The following HSD17B4 variants were observed in gnomAD, a reference collection of about 807,000 sequenced individuals.
HSD17B4 encodes the protein hydroxysteroid 17-beta dehydrogenase 4, also known as peroxisomal multifunctional enzyme type 2.
A neutral mutation model predicts 101.0 loss-of-function variants in HSD17B4; 70 were observed. The observed-to-expected ratio is 0.69, with a 90% CI of 0.57 to 0.85. The LOEUF (loss-of-function observed/expected upper bound fraction) is 0.85, where lower values mean the gene tolerates loss of function less well. HSD17B4 is among the 40% of genes least tolerant of loss of function. HSD17B4 has a pLI of 0.00. For synonymous variants in HSD17B4, 347 were observed against 297.1 expected (o/e 1.17, Z -1.73); for missense variants, 984 against 892.4 (o/e 1.10, Z -1.31).
Position 119,475,736 on chromosome 5 carries a change from T to C in HSD17B4, c.302+9T>C. ...GTGGTCAACAATGCTGGGTGAGTATTTCTTTTTCATTTTTAGTGATGTGTG... is the reference window on the plus strand; with the variant it reads ...GTGGTCAACAATGCTGGGTGAGTATCTCTTTTTCATTTTTAGTGATGTGTG... On this transcript the variant is annotated intron_variant, in intron 5 of 23. Coordinates refer to ENST00000510025, the MANE Select transcript of HSD17B4 (RefSeq NM_000414.4). 1 of 1,596,098 alleles carries C rather than the reference T, an allele frequency of 6.3e-7. No homozygotes were observed. The highest frequency in any genetic ancestry group is 8.6e-7 in the Non-Finnish European group (1 of 1,164,840).
At chr5:119,496,146 A>G (rs1420495531) in intron 11 of HSD17B4, among the ~76,000 whole-genome samples, 1 of 152,162 alleles carries the variant, frequency 6.6e-6, no homozygotes, top group Non-Finnish European at 1.5e-5. Flanking sequence ...GCATTCTTTC[A>G]TCCTGGGAAG....
chr5:119,457,829 C>G (rs1754825546), intron 2 of HSD17B4, among the ~76,000 whole-genome samples: 1 of 152,094 alleles, frequency 6.6e-6, no homozygotes, highest in Non-Finnish European at 1.5e-5. Flanking sequence ...GTACTTTGTT[C>G]ATTGGTTCTT....
chr5:119,496,792 A>T (rs1041655121), intron 12 of HSD17B4, 146 bp downstream of exon 12: 48 of 740,780 alleles, frequency 6.5e-5, no homozygotes, highest in Middle Eastern at 4.8e-4. Flanking sequence ...GGAGAGAAGC[A>T]GTGGCAGAGA....
chr5:119,536,510 A>G lies in HSD17B4; in HGVS notation c.2081A>G (p.Asp694Gly), dbSNP rs1561494635. The change falls in exon 23 of 24, where the codon GAT (aspartate) becomes GGT (glycine). Residue 694 changes from aspartate to glycine, a missense_variant. By Grantham distance (94) the Asp-to-Gly change is moderately conservative. Transcript: ENST00000510025. ...ADTTIILSDE[D>G]FMEVVLGKLD... ...ACAACAATCATACTTTCAGATGAAGATTTCATGGAGGTGGTCCTGGGCAAG... is the reference window on the plus strand; with the variant it reads ...ACAACAATCATACTTTCAGATGAAGGTTTCATGGAGGTGGTCCTGGGCAAG... 9 of 1,612,058 alleles carry G rather than the reference A, an allele frequency of 5.6e-6. No individual in the cohort carries two copies. Among genetic ancestry groups the G allele is most frequent in the Middle Eastern group, 1.6e-4 (1 of 6,078 alleles).
chr5:119,536,284 T>C, intron 22 of HSD17B4, 139 bp from the exon 23 acceptor site: 1 of 773,660 alleles, frequency 1.3e-6, no homozygotes. Flanking sequence ...TAATGTATAA[T>C]TGATAGATAG....
intron 8 of HSD17B4, among the ~76,000 whole-genome samples, chr5:119,486,224 G>A (rs1561451750): frequency 6.6e-6 from 1 of 152,120 alleles, no homozygotes; most frequent in Non-Finnish European, 1.5e-5. Flanking sequence ...CAGAAGAGAT[G>A]TACCATCACG....
intron 23 of HSD17B4, among the ~76,000 whole-genome samples, chr5:119,541,045 T>C (rs1754947299): frequency 6.6e-6 from 1 of 152,234 alleles, no homozygotes. Context: ...GCTTTTTCAC[T>C]TCATATTTTA....
chr5:119,494,613 C>G (rs1236245550), intron 11 of HSD17B4, among the ~76,000 whole-genome samples: 1 of 152,054 alleles, frequency 6.6e-6, no homozygotes, highest in African/African-American at 2.4e-5. Flanking sequence ...GTATATTGAT[C>G]TTTCTGTTAG....
Position 119,531,288 on chromosome 5 carries a change from T to A in HSD17B4, c.1877T>A (p.Phe626Tyr), listed in dbSNP as rs769469403. 1 of 1,613,724 alleles carries A rather than the reference T, an allele frequency of 6.2e-7. No individual in the cohort carries two copies. The highest frequency in any genetic ancestry group is 1.1e-5 in the South Asian group (1 of 91,080). ...TAGGGCGGGAAGCTTCAGAGTACCT[T>A]TGTATTTGAGGAAATAGGACGCCGC... ...PSEGGKLQST[F>Y]VFEEIGRRLK... The change falls in exon 22 of 24, where the codon TTT (phenylalanine) becomes TAT (tyrosine). Residue 626 changes from phenylalanine (F) to tyrosine (Y), a missense_variant. Coordinates refer to ENST00000510025, the MANE Select transcript of HSD17B4 (RefSeq NM_000414.4).
chr5:119,483,112 T>C (rs1164629634), intron 8 of HSD17B4, among the ~76,000 whole-genome samples: 1 of 152,122 alleles, frequency 6.6e-6, no homozygotes, highest in Non-Finnish European at 1.5e-5. Context: ...GATTTTTCTC[T>C]GATCTTCACT....
At chr5:119,476,709 C>T in intron 6 of HSD17B4, 1 of 985,412 alleles carries the variant, frequency 1.0e-6, no homozygotes, top group Non-Finnish European at 1.2e-6. Flanking sequence ...TTTCTTGGTG[C>T]TGCAACGGGA....
intron 19 of HSD17B4, 41 bp downstream of exon 19, chr5:119,526,064 T>C (rs528195559): frequency 4.0e-5 from 44 of 1,093,820 alleles, no homozygotes; most frequent in Non-Finnish European, 5.8e-5. Context: ...TTACTTCCTT[T>C]TTCTATCTTT....
chr5:119,480,219 A>G (rs965073049), intron 8 of HSD17B4, among the ~76,000 whole-genome samples: 1 of 152,040 alleles, frequency 6.6e-6, no homozygotes, highest in African/African-American at 2.4e-5. Flanking sequence ...GGTTCTTTGT[A>G]TATTTTAGAA....
At chr5:119,499,234 C>A in intron 12 of HSD17B4, 83 bp from the exon 13 acceptor site, 1 of 911,238 alleles carries the variant, frequency 1.1e-6, no homozygotes, top group Non-Finnish European at 1.8e-6. Flanking sequence ...CACATCTATT[C>A]AAAAACAAAA....
chr5:119,471,825 G>T, intron 2 of HSD17B4: 1 of 552,726 alleles, frequency 1.8e-6, no homozygotes, highest in Non-Finnish European at 3.1e-6. Context: ...TTTGATATTT[G>T]TTCTTATTTG....
Position 119,499,519 on chromosome 5 carries a change from C to T in HSD17B4, c.1175C>T (p.Ala392Val). 1.2e-6 allele frequency: 2 copies of T among 1,613,090 alleles called. No homozygotes were observed. Among genetic ancestry groups the T allele is most frequent in the South Asian group, 2.2e-5 (2 of 91,044 alleles). Reference protein sequence around the residue: ...GQKSMMGGGLAEIPGLSINFA... With the variant: ...GQKSMMGGGLVEIPGLSINFA... ...AAATCTATGATGGGTGGAGGATTAG[C>T]AGAAATTCCTGGACTTTCAATCAAC... The change falls in exon 13 of 24, where the codon GCA becomes GTA. Residue 392 changes from alanine to valine, a missense_variant. Transcript: ENST00000510025.
At chr5:119,477,030 T>G (rs1748652297) in intron 6 of HSD17B4, among the ~76,000 whole-genome samples, 1 of 152,210 alleles carries the variant, frequency 6.6e-6, no homozygotes, top group Admixed American at 6.5e-5. Context: ...TAAATATTTC[T>G]TAATGAGCTA....
At chr5:119,510,071 T>C (rs948661429) in intron 16 of HSD17B4, among the ~76,000 whole-genome samples, 3 of 152,222 alleles carry the variant, frequency 2.0e-5, no homozygotes, top group South Asian at 2.1e-4. Flanking sequence ...TGTAATCTTA[T>C]AGCATAGAGA....
chr5:119,465,498 G>A lies in HSD17B4; in HGVS notation c.113-8410G>A, dbSNP rs975708238. Among the ~76,000 whole-genome samples, 5 of 152,196 alleles carry A rather than the reference G, an allele frequency of 3.3e-5. No homozygotes were observed. In the East Asian group the frequency reaches 9.6e-4, roughly 29 times the overall value. ...CTTTTGCCATGATTGGAGGCTTCTT[G>A]AGGGCCTTACGAGGAGTAGATGCTG... On this transcript the variant is annotated intron_variant, in intron 2 of 23. Transcript: ENST00000510025.
Sources: allele counts gnomAD v4.1 joint callset (sites outside exome capture counted in the v4.1 genomes callset), GRCh38; gene constraint gnomAD v4.1.1; transcripts MANE v1.5; gene names NCBI Gene and HGNC (gene_info 2026-07-23, HGNC 2026-07-21).